The following DLGAP2 variants were observed in gnomAD, a reference collection of about 807,000 sequenced individuals.
DLGAP2 encodes the protein disks large-associated protein 2.
DLGAP2 carries 26 observed loss-of-function variants against 100.3 expected under a neutral mutation model. The ratio of observed to expected loss-of-function variants is 0.26; its 90% CI spans 0.19 to 0.36. The LOEUF (loss-of-function observed/expected upper bound fraction) is 0.36, where lower values mean the gene tolerates loss of function less well. Ranked by LOEUF, DLGAP2 falls within the 10% of genes least tolerant of loss-of-function variation. The pLI is 1.00. For missense variants in DLGAP2, 1,858 were observed against 1,453.2 expected (o/e 1.28, Z -4.53); for synonymous variants, 886 against 630.1 (o/e 1.41, Z -6.08).
In DLGAP2 at chr8:1,242,121, C is replaced by G. The variant is rs1798809868; in HGVS notation, c.74-16730C>G. Among the ~76,000 whole-genome samples the G allele has an allele frequency of 2.6e-5, 4 of 152,270 alleles. No individual in the cohort carries two copies. In the South Asian group the frequency reaches 8.3e-4, roughly 32 times the overall value. ...CTACCTAAAGGCACCATGGCAGGAA[C>G]AGAAATCCCATAGCTTATATAAACA... On this transcript the variant is annotated intron_variant, in intron 2 of 14. Coordinates refer to ENST00000637795, the MANE Select transcript of DLGAP2 (RefSeq NM_001346810.2).
At chr8:1,314,253 C>A (rs1649245861) in intron 3 of DLGAP2, among the ~76,000 whole-genome samples, 1 of 152,162 alleles carries the variant, frequency 6.6e-6, no homozygotes, top group Non-Finnish European at 1.5e-5. Flanking sequence ...TTGAGTTAGA[C>A]ACGTGAAATA....
intron 2 of DLGAP2, among the ~76,000 whole-genome samples, chr8:1,237,611 C>G (rs1798692188): frequency 1.4e-5 from 2 of 147,098 alleles, no homozygotes; most frequent in African/African-American, 5.1e-5. Flanking sequence ...GGCGCCGTGT[C>G]TAGTTACGTC....
chr8:873,171 C>T (rs367863389), intron 1 of DLGAP2, among the ~76,000 whole-genome samples: 85 of 152,278 alleles, frequency 5.6e-4, no homozygotes, highest in African/African-American at 2.0e-3. Context: ...AACTGATTCT[C>T]TATATTGACC....
Position 986,600 on chromosome 8 carries a change from G to T in DLGAP2, c.73+78634G>T, listed in dbSNP as rs184003381. On this transcript the variant is annotated intron_variant, in intron 2 of 14. Coordinates refer to ENST00000637795, the MANE Select transcript of DLGAP2 (RefSeq NM_001346810.2). ...GAGGCAAGTGGAAGGAAGGACTGGA[G>T]GAGAAAAGGAGACTAATAATGTATT... Among the ~76,000 whole-genome samples, 31 of 151,910 alleles carry T rather than the reference G, an allele frequency of 2.0e-4. No homozygotes were observed. The Middle Eastern group carries it at 0.01, about 50-fold the overall frequency.
intron 3 of DLGAP2, among the ~76,000 whole-genome samples, chr8:1,492,466 A>C (rs1017572718): frequency 2.0e-5 from 3 of 152,240 alleles, no homozygotes; most frequent in African/African-American, 7.2e-5. Context: ...TGAACTCTGC[A>C]CTGACTCTCA....
chr8:1,358,469 G>A (rs1478668866), intron 3 of DLGAP2, among the ~76,000 whole-genome samples: 1 of 152,088 alleles, frequency 6.6e-6, no homozygotes, highest in Non-Finnish European at 1.5e-5. Flanking sequence ...ACTCACAGAC[G>A]TAACCATGTG....
intron 1 of DLGAP2, among the ~76,000 whole-genome samples, chr8:804,655 C>T (rs530904914): frequency 9.8e-5 from 15 of 152,364 alleles, no homozygotes; most frequent in African/African-American, 3.6e-4. Context: ...TATGTTCTCT[C>T]TTTTCCCCCA....
intron 6 of DLGAP2, among the ~76,000 whole-genome samples, chr8:1,599,986 G>T (rs964706900): frequency 1.3e-5 from 2 of 152,020 alleles, no homozygotes; most frequent in African/African-American, 4.8e-5. Flanking sequence ...TTACAATTTG[G>T]TATGTTTTTG....
chr8:1,508,130 T>C (rs1238424427), intron 4 of DLGAP2, among the ~76,000 whole-genome samples: 1 of 151,874 alleles, frequency 6.6e-6, no homozygotes, highest in African/African-American at 2.4e-5. Flanking sequence ...CCTTTAAAGT[T>C]AGACACATCT....
At chr8:1,696,774 C>G (rs1207260187) in intron 13 of DLGAP2, among the ~76,000 whole-genome samples, 1 of 152,222 alleles carries the variant, frequency 6.6e-6, no homozygotes, top group Non-Finnish European at 1.5e-5. Context: ...ACTGCCACCA[C>G]CAGGCCAATA....
chr8:928,901 C>T (rs1798878609), intron 2 of DLGAP2, among the ~76,000 whole-genome samples: 1 of 151,844 alleles, frequency 6.6e-6, no homozygotes, highest in South Asian at 2.1e-4. Flanking sequence ...CAGGGTGGGC[C>T]GGACGGCTTT....
chr8:916,332 G>T (rs912792701), intron 2 of DLGAP2, among the ~76,000 whole-genome samples: 1 of 152,218 alleles, frequency 6.6e-6, no homozygotes, highest in African/African-American at 2.4e-5. Flanking sequence ...ATGCACCATG[G>T]AATACTATGC....
chr8:1,026,036 T>C (rs933477812), intron 2 of DLGAP2, among the ~76,000 whole-genome samples: 3 of 152,210 alleles, frequency 2.0e-5, no homozygotes, highest in Non-Finnish European at 4.4e-5. Flanking sequence ...CTCCGGCCCG[T>C]CCAGGCCGCC....
intron 2 of DLGAP2, among the ~76,000 whole-genome samples, chr8:1,077,546 A>T (rs1191459491): frequency 2.0e-5 from 3 of 152,140 alleles, no homozygotes. Flanking sequence ...TGTCTACCAG[A>T]GGTACTTCAT....
intron 2 of DLGAP2, among the ~76,000 whole-genome samples, chr8:1,099,546 G>A (rs1246228067): frequency 3.3e-5 from 5 of 152,350 alleles, no homozygotes; most frequent in Admixed American, 3.3e-4. Flanking sequence ...TTCATTAGAG[G>A]AGGGACTTCG....
intron 3 of DLGAP2, among the ~76,000 whole-genome samples, chr8:1,486,818 A>G (rs1475196804): frequency 6.6e-6 from 1 of 152,216 alleles, no homozygotes; most frequent in Non-Finnish European, 1.5e-5. Flanking sequence ...AAGTAGTAAA[A>G]CACATGCATT....
rs28456979 is a variant in DLGAP2, at chr8:1,364,560, C to A, written c.106+105677C>A. ...CTGGAGGACTGGGGCTGGCGGGAAG[C>A]GTCTCTCAACTCCATTCCCTCATCT... is the stretch of plus-strand genomic sequence containing the variant. On this transcript the variant is annotated intron_variant, in intron 3 of 14. Transcript: ENST00000637795. Among the ~76,000 whole-genome samples, 1,399 of 151,972 alleles carry A rather than the reference C, an allele frequency of 9.2e-3. 12 individuals are homozygous for A. Among genetic ancestry groups the A allele is most frequent in the Non-Finnish European group, 0.014 (972 of 67,998 alleles).
intron 1 of DLGAP2, among the ~76,000 whole-genome samples, chr8:844,064 G>C (rs1490943586): frequency 6.6e-6 from 1 of 152,154 alleles, no homozygotes; most frequent in Admixed American, 6.5e-5. Flanking sequence ...GATATGGAGT[G>C]CTCTACTAAT....
chr8:950,359 C>T (rs998348458), intron 2 of DLGAP2, among the ~76,000 whole-genome samples: 2 of 152,286 alleles, frequency 1.3e-5, no homozygotes, highest in East Asian at 1.9e-4. Flanking sequence ...CATTCAATAT[C>T]CCTTTGTTCA....
Sources: gnomAD v4.1 joint callset for allele counts (sites outside exome capture counted in the v4.1 genomes callset) on GRCh38, gnomAD v4.1.1 for gene constraint, MANE v1.5 for transcripts, NCBI Gene and HGNC (gene_info 2026-07-23, HGNC 2026-07-21) for gene names.